The following TGFBI variants were observed in gnomAD, a reference collection of about 807,000 sequenced individuals.
TGFBI encodes the protein transforming growth factor-beta-induced protein ig-h3.
Under a neutral mutation model 73.7 loss-of-function variants are expected in TGFBI, and 50 were observed. That is an observed-to-expected ratio of 0.68 (90% confidence interval 0.54 to 0.86). The LOEUF (loss-of-function observed/expected upper bound fraction) is 0.86. TGFBI is among the 40% of genes least tolerant of loss of function. TGFBI has a pLI of 0.00. For synonymous variants in TGFBI, 362 were observed against 360.5 expected, an observed-to-expected ratio of 1.00 and a Z score of -0.05; for missense variants, 839 against 877.0, an observed-to-expected ratio of 0.96 and a Z score of 0.55.
At chr5:136,055,644 A>G (rs1217712387) in intron 10 of TGFBI, 36 bp from the exon 11 acceptor site, 23 of 1,543,272 alleles carry the variant, frequency 1.5e-5, no homozygotes, top group Non-Finnish European at 1.4e-5. Context: ...TGGAAGTATA[A>G]CCAGTCCTTT....
chr5:136,063,003 G>A (rs1340740601), intron 16 of TGFBI, among the ~76,000 whole-genome samples, 183 bp from the exon 17 acceptor site: 2 of 152,218 alleles, frequency 1.3e-5, no homozygotes, highest in African/African-American at 4.8e-5. Flanking sequence ...GATAGGTACA[G>A]AAAACCAGAA....
chr5:136,048,129 C>G (rs768080032), intron 6 of TGFBI: 1 of 152,230 alleles, frequency 6.6e-6, no homozygotes, highest in Admixed American at 6.5e-5. Flanking sequence ...AGATCTCCAA[C>G]ACAGAGAGAC....
rs551894628 is a variant in TGFBI at position 136,047,323 on chromosome 5, C to A, written c.674C>A (p.Thr225Asn). Residue 225 changes from threonine to asparagine, a missense_variant, in exon 6 of 17, where the codon ACC becomes AAC. Coordinates refer to ENST00000442011, the MANE Select transcript of TGFBI (RefSeq NM_000358.3). ...ARLLKADHHA[T>N]NGVVHLIDKV... ...CTGCTGAAAGCCGACCACCATGCAA[C>A]CAACGGGGTGGTGCACCTCATCGAT... is the stretch of plus-strand genomic sequence containing the variant. 29 of 1,613,872 alleles carry A rather than the reference C, an allele frequency of 1.8e-5. 1 individual carries two copies. In the South Asian group the frequency reaches 3.0e-4, roughly 16 times the overall value.
At chr5:136,063,101 C>A (rs1751778825) in intron 16 of TGFBI, 85 bp from the exon 17 acceptor site, 2 of 1,314,686 alleles carry the variant, frequency 1.5e-6, no homozygotes, top group Non-Finnish European at 2.2e-6. Flanking sequence ...GGCTGCTTGG[C>A]CCTGGTCCTT....
In TGFBI at chr5:136,047,419, G is replaced by A. The variant is rs377709778; in HGVS notation, c.770G>A (p.Arg257Gln). The change falls in exon 6 of 17, where the codon CGG becomes CAG. Residue 257 changes from arginine (R) to glutamine (Q), a missense_variant and splice_region_variant. Physicochemically the swap from Arg to Gln is conservative, Grantham distance 43. Transcript: ENST00000442011. ...IEIEDTFETL[R>Q]AAVAASGLNT... Reference sequence around the variant, plus strand: ...ATCGAGGACACCTTTGAGACCCTTCGGGTAAGGGACTGCCCTGGGTGGAGG... The same window carrying A: ...ATCGAGGACACCTTTGAGACCCTTCAGGTAAGGGACTGCCCTGGGTGGAGG... The A allele has an allele frequency of 2.2e-5, 36 of 1,613,694 alleles. No homozygotes were observed. The highest frequency in any genetic ancestry group is 1.6e-4 in the Middle Eastern group (1 of 6,082).
chr5:136,044,778 A>G (rs930094874), intron 3 of TGFBI: 4 of 152,242 alleles, frequency 2.6e-5, no homozygotes, highest in African/African-American at 9.6e-5. Context: ...TAATTTTGAA[A>G]TAGAGTCATC....
In TGFBI at chr5:136,038,629, G is replaced by A. The variant is rs142162260; in HGVS notation, c.233+4768G>A. Among the ~76,000 whole-genome samples, 531 of 151,854 alleles carry A rather than the reference G, an allele frequency of 3.5e-3. 4 individuals carry two copies. Among genetic ancestry groups the A allele is most frequent in the Middle Eastern group, 0.014 (4 of 292 alleles). ...CCAGCTACTCAGGAGGCTGAGGCGG[G>A]AGAATTGCTTGAACCCAGGAGGCAG... On this transcript the variant is annotated intron_variant, in intron 2 of 16. Coordinates refer to ENST00000442011, the MANE Select transcript of TGFBI (RefSeq NM_000358.3).
intron 2 of TGFBI, among the ~76,000 whole-genome samples, chr5:136,035,459 T>TA (rs911944791): frequency 2.0e-5 from 3 of 151,734 alleles, no homozygotes; most frequent in African/African-American, 7.3e-5. Flanking sequence ...CCGTCTCTAC[T>TA]AAAAAAATAC....
At chr5:136,052,757 G>A (rs759643661) in intron 7 of TGFBI, 150 bp from the exon 8 acceptor site, 129 of 730,058 alleles carry the variant, frequency 1.8e-4, no homozygotes, top group Non-Finnish European at 2.6e-4. Context: ...GGCAGAAGGC[G>A]AGGAGGATCT....
At chr5:136,035,729 ACAAAGC>A (rs1286725797) in intron 2 of TGFBI, among the ~76,000 whole-genome samples, 1 of 152,160 alleles carries the variant, frequency 6.6e-6, no homozygotes, top group African/African-American at 2.4e-5. Context: ...TTAATTAAAC[ACAAAGC>A]CAGGCCTCAC....
chr5:136,060,739 A>C, intron 13 of TGFBI, 95 bp from the exon 14 acceptor site: 1 of 1,017,604 alleles, frequency 9.8e-7, no homozygotes, highest in South Asian at 2.1e-5. Flanking sequence ...AAAAAACGAA[A>C]ACTGTTCAGT....
intron 16 of TGFBI, among the ~76,000 whole-genome samples, 194 bp downstream of exon 16, chr5:136,062,881 G>A (rs968107848): frequency 9.9e-5 from 15 of 152,218 alleles, no homozygotes; most frequent in Non-Finnish European, 2.1e-4. Context: ...TGTAAGATGA[G>A]GATAATAAGA....
chr5:136,034,973 G>A (rs565907393), intron 2 of TGFBI, among the ~76,000 whole-genome samples: 19 of 152,320 alleles, frequency 1.2e-4, no homozygotes, highest in South Asian at 4.2e-4. Context: ...ATAGCCAACT[G>A]AAAGAAGAGA....
intron 13 of TGFBI, among the ~76,000 whole-genome samples, 162 bp from the exon 14 acceptor site, chr5:136,060,672 T>A (rs565844262): frequency 1.3e-5 from 2 of 152,140 alleles, no homozygotes; most frequent in Non-Finnish European, 2.9e-5. Flanking sequence ...ATCATGCCAC[T>A]GCACTCCAGC....
At chr5:136,034,122 G>A (rs960631746) in intron 2 of TGFBI, among the ~76,000 whole-genome samples, 4 of 137,380 alleles carry the variant, frequency 2.9e-5, no homozygotes, top group Non-Finnish European at 4.5e-5. Flanking sequence ...GAAACACTGC[G>A]TGTGTGTGTG....
intron 5 of TGFBI, 28 bp downstream of exon 5, chr5:136,047,043 G>A: frequency 6.2e-7 from 1 of 1,606,764 alleles, no homozygotes. Context: ...ATACTGCATG[G>A]CCCTTGGTGC....
At chr5:136,061,974 C>A (rs1580724210) in intron 15 of TGFBI, among the ~76,000 whole-genome samples, 2 of 152,216 alleles carry the variant, frequency 1.3e-5, no homozygotes, top group South Asian at 4.1e-4. Context: ...CATGGCATTG[C>A]CCATCCTGGG....
intron 8 of TGFBI, among the ~76,000 whole-genome samples, chr5:136,053,691 C>G (rs983603371): frequency 6.6e-6 from 1 of 152,230 alleles, no homozygotes; most frequent in Non-Finnish European, 1.5e-5. Context: ...ACCAAGCAGC[C>G]CACAGGGCCT....
Position 136,029,019 on chromosome 5 carries a change from C to T in TGFBI, c.-37C>T, listed in dbSNP as rs755265459. 9.9e-6 allele frequency: 15 copies of T among 1,511,964 alleles called. No homozygotes were observed. Among genetic ancestry groups the T allele is most frequent in the Non-Finnish European group, 1.3e-5 (15 of 1,137,174 alleles). The allele number at this position is 1,511,964 out of a possible 1,614,324, so 93.7% of individuals were successfully genotyped here. A position where few individuals can be genotyped will look rare whatever the true frequency, so the allele number is the denominator to read the frequency against. On this transcript the variant is annotated 5_prime_UTR_variant, in exon 1 of 17. Transcript: ENST00000442011. ...TCCCTGGAGCCGCCCGCTTGCCCGT[C>T]GGTCGCTAGCTCGCTCGGTGCGCGT...
Sources: allele counts gnomAD v4.1 joint callset (sites outside exome capture counted in the v4.1 genomes callset), GRCh38; gene constraint gnomAD v4.1.1; transcripts MANE v1.5; gene names NCBI Gene and HGNC (gene_info 2026-07-23, HGNC 2026-07-21).